The following MYOM2 variants were observed in gnomAD, a reference collection of about 807,000 sequenced individuals.
The protein encoded by MYOM2 is myomesin-2.
A neutral mutation model predicts 187.6 loss-of-function variants in MYOM2; 254 were observed. The observed-to-expected ratio is 1.35, with a 90% CI of 1.22 to 1.50. MYOM2 has a LOEUF of 1.50. Ranked by LOEUF, MYOM2 falls within the 40% of genes most tolerant of loss-of-function variation. The pLI is 0.00. For missense variants in MYOM2, 2,796 were observed against 1,924.0 expected, an observed-to-expected ratio of 1.45 and a Z score of -8.48; for synonymous variants, 981 against 753.8, an observed-to-expected ratio of 1.30 and a Z score of -4.94.
intron 6 of MYOM2, among the ~76,000 whole-genome samples, chr8:2,065,195 C>G (rs1172985834): frequency 6.6e-6 from 1 of 152,160 alleles, no homozygotes; most frequent in Non-Finnish European, 1.5e-5. Context: ...ATTATATAGT[C>G]AGTAGATAAG....
chr8:2,069,928 T>C (rs142648519), intron 8 of MYOM2, among the ~76,000 whole-genome samples: 11 of 152,338 alleles, frequency 7.2e-5, no homozygotes, highest in Non-Finnish European at 1.0e-4. Context: ...GTTTTTTTTT[T>C]CTCCAAAAGT....
At chr8:2,061,746 G>A (rs1229369677) in intron 6 of MYOM2, among the ~76,000 whole-genome samples, 3 of 152,342 alleles carry the variant, frequency 2.0e-5, no homozygotes, top group African/African-American at 7.2e-5. Context: ...GAAATTTGCA[G>A]GGCATCCTAC....
intron 6 of MYOM2, among the ~76,000 whole-genome samples, chr8:2,060,070 A>G (rs1020667031): frequency 1.3e-5 from 2 of 152,172 alleles, no homozygotes; most frequent in African/African-American, 4.8e-5. Context: ...AATAAAAGTG[A>G]GACACTGCTG....
At chr8:2,094,125 C>G in intron 17 of MYOM2, 34 bp downstream of exon 17, 3 of 1,609,512 alleles carry the variant, frequency 1.9e-6, no homozygotes, top group Non-Finnish European at 2.5e-6. Flanking sequence ...GTGCCGATTG[C>G]TCCCATACAC....
intron 35 of MYOM2, among the ~76,000 whole-genome samples, chr8:2,143,083 A>G (rs1798332879): frequency 6.6e-6 from 1 of 151,910 alleles, no homozygotes; most frequent in African/African-American, 2.4e-5. Flanking sequence ...TGCCCAACTC[A>G]GGGACACACG....
intron 31 of MYOM2, among the ~76,000 whole-genome samples, chr8:2,126,872 C>G (rs1797663565): frequency 9.2e-6 from 1 of 108,642 alleles, no homozygotes. Flanking sequence ...CTGGGGGATG[C>G]TGAGGGAGCA....
chr8:2,134,063 T>TCCACCCTCTTCCCCTGAGG (rs1797971529), intron 32 of MYOM2, among the ~76,000 whole-genome samples: 7 of 151,982 alleles, frequency 4.6e-5, no homozygotes, highest in Admixed American at 2.0e-4. Flanking sequence ...TGTACCCACC[T>TCCACCCTCTTCCCCTGAGG]TATAACCATC....
At chr8:2,069,423 T>A in intron 7 of MYOM2, 24 bp from the exon 8 acceptor site, 1 of 1,614,158 alleles carries the variant, frequency 6.2e-7, no homozygotes, top group Middle Eastern at 1.6e-4. Flanking sequence ...TCTTTTCTGC[T>A]GCACTCACTT....
chr8:2,089,796 A>T (rs754035316), intron 14 of MYOM2, among the ~76,000 whole-genome samples: 1 of 152,200 alleles, frequency 6.6e-6, no homozygotes, highest in Non-Finnish European at 1.5e-5. Context: ...AGTAAACATG[A>T]TCAACTTTGG....
chr8:2,070,763 C>T (rs1037855195), intron 8 of MYOM2, among the ~76,000 whole-genome samples: 2 of 152,198 alleles, frequency 1.3e-5, no homozygotes, highest in African/African-American at 4.8e-5. Context: ...AGTTGTTTTT[C>T]GTCGAAGTCA....
chr8:2,108,533 C>A lies in MYOM2; in HGVS notation c.2999-253C>A, dbSNP rs185934393. Among the ~76,000 whole-genome samples, 181 of 152,244 alleles carry A rather than the reference C, an allele frequency of 1.2e-3. 1 individual carries two copies. Among genetic ancestry groups the A allele is most frequent in the African/African-American group, 4.2e-3 (175 of 41,534 alleles). The stretch of plus-strand genomic sequence containing the variant: ...CTATATTCCAGGGATATACCTACCC[C>A]TGCCCCCAATTCCTTTGTCCCCATG... On this transcript the variant is annotated intron_variant, in intron 23 of 36. Transcript: ENST00000262113.
intron 3 of MYOM2, among the ~76,000 whole-genome samples, chr8:2,053,678 T>C (rs1404484459): frequency 2.0e-5 from 3 of 152,202 alleles, no homozygotes; most frequent in South Asian, 2.1e-4. Flanking sequence ...AAGAAGGGAT[T>C]TGAGTGACTG....
chr8:2,048,083 G>A (rs1291947343), intron 1 of MYOM2, among the ~76,000 whole-genome samples: 1 of 152,168 alleles, frequency 6.6e-6, no homozygotes, highest in African/African-American at 2.4e-5. Flanking sequence ...GTCACATTTT[G>A]ACTCTTCCCT....
intron 31 of MYOM2, among the ~76,000 whole-genome samples, chr8:2,124,637 A>G (rs1025614355): frequency 7.2e-5 from 11 of 152,158 alleles, no homozygotes; most frequent in African/African-American, 2.7e-4. Context: ...GGATTGCTGG[A>G]TCACATGTCA....
chr8:2,113,685 A>G (rs10096042), intron 25 of MYOM2, among the ~76,000 whole-genome samples: 66 of 152,132 alleles, frequency 4.3e-4, no homozygotes, highest in African/African-American at 1.5e-3. Context: ...CTGGGAAGGA[A>G]GTTCCGGTCC....
intron 18 of MYOM2, among the ~76,000 whole-genome samples, chr8:2,097,689 A>G (rs62478395): frequency 0.056 from 8,584 of 152,000 alleles, 329 homozygotes; most frequent in South Asian, 0.083. Context: ...TAATTTTTGT[A>G]TTATTTCAGT....
chr8:2,079,002 T>G (rs1819531005), intron 12 of MYOM2, 69 bp downstream of exon 12: 1 of 1,469,756 alleles, frequency 6.8e-7, no homozygotes. Context: ...TGATTTGTTG[T>G]CTCTTTCCCT....
intron 17 of MYOM2, 25 bp downstream of exon 17, chr8:2,094,116 T>G (rs763251162): frequency 6.2e-7 from 1 of 1,613,628 alleles, no homozygotes; most frequent in Non-Finnish European, 8.5e-7. Flanking sequence ...GGCTGTTGTG[T>G]GCCGATTGCT....
chr8:2,141,688 G>A (rs1052453094), intron 34 of MYOM2, among the ~76,000 whole-genome samples: 2 of 152,174 alleles, frequency 1.3e-5, no homozygotes, highest in South Asian at 2.1e-4. Context: ...GGCAGGTTAT[G>A]CCAGGGTTGG....
Sources: gnomAD v4.1 joint callset for allele counts (sites outside exome capture counted in the v4.1 genomes callset) on GRCh38, gnomAD v4.1.1 for gene constraint, MANE v1.5 for transcripts, NCBI Gene and HGNC (gene_info 2026-07-23, HGNC 2026-07-21) for gene names.